RANBP10: variants seen among roughly 807,000 people sequenced by gnomAD.
RANBP10 encodes ran-binding protein 10.
RANBP10 carries 24 observed loss-of-function variants against 72.8 expected under a neutral mutation model. The ratio of observed to expected loss-of-function variants is 0.33; its 90% CI spans 0.24 to 0.46. The LOEUF (loss-of-function observed/expected upper bound fraction) is 0.46, where lower values mean the gene tolerates loss of function less well. Among genes scored for constraint, RANBP10 ranks in the 20% least tolerant of loss-of-function variants. The probability of loss-of-function intolerance (pLI) is 1.00; values close to 1 mark genes in which losing one functional copy is unlikely to be tolerated. For missense variants in RANBP10, 679 were observed against 817.5 expected, an observed-to-expected ratio of 0.83 and a Z score of 2.07; for synonymous variants, 310 against 322.3, an observed-to-expected ratio of 0.96 and a Z score of 0.41.
chr16:67,744,083 C>T lies in RANBP10; in HGVS notation c.568+205G>A, dbSNP rs1013017201. The T allele has an allele frequency of 3.0e-6, 3 of 984,750 alleles. No homozygotes were observed. In the African/African-American group the frequency reaches 5.2e-5, roughly 17 times the overall value. 61.0% of individuals were successfully genotyped at this position (984,750 alleles called of 1,614,324 possible). ...CTGTACTCTCAGCATCCTCCCTGGG[C>T]TGGATAAACGCAGCTGACTGGCTGG... On this transcript the variant is annotated intron_variant, in intron 4 of 13. Transcript: ENST00000317506.
In RANBP10 at chr16:67,730,612, G is replaced by A. The variant is rs2053709157; in HGVS notation, c.890-566C>T. ...CCTCTCACGCCATCAGCATCTTGCT[G>A]CTGCCTTTTCGCTCTTGCCGTGGGG... is the stretch of plus-strand genomic sequence containing the variant. On this transcript the variant is annotated intron_variant, in intron 7 of 13. Transcript: ENST00000317506. The surrounding 1 kb of genome is among the most constrained non-coding windows in gnomAD (Gnocchi z 4.3). Among the ~76,000 whole-genome samples the A allele has an allele frequency of 6.6e-6, 1 of 152,172 alleles. No homozygotes were observed. Among genetic ancestry groups the A allele is most frequent in the Admixed American group, 6.5e-5 (1 of 15,280 alleles).
chr16:67,754,485 A>T (rs938752813), intron 3 of RANBP10, among the ~76,000 whole-genome samples: 2 of 152,220 alleles, frequency 1.3e-5, no homozygotes, highest in Non-Finnish European at 2.9e-5. Context: ...AAGGCACCAG[A>T]AGCCCAAAGG....
chr16:67,799,974 A>G (rs1368953123), intron 2 of RANBP10, among the ~76,000 whole-genome samples: 3 of 152,054 alleles, frequency 2.0e-5, no homozygotes, highest in Non-Finnish European at 4.4e-5. Context: ...TACAAAAACT[A>G]GCTGGGCATG....
At chr16:67,760,222 T>G (rs2054369796) in intron 3 of RANBP10, among the ~76,000 whole-genome samples, 1 of 152,220 alleles carries the variant, frequency 6.6e-6, no homozygotes, top group Non-Finnish European at 1.5e-5. Flanking sequence ...CTGGATGTGC[T>G]GTACTCTTAG....
chr16:67,806,483 G>T lies in RANBP10; in HGVS notation c.54C>A (p.Ser18=), dbSNP rs958000424. The T allele has an allele frequency of 6.5e-6, 10 of 1,545,482 alleles. No individual in the cohort carries two copies. In the East Asian group the frequency reaches 2.4e-4, roughly 37 times the overall value. Residue 18 remains serine (S), a synonymous_variant, in exon 1 of 14, where the codon TCC becomes TCA. Transcript: ENST00000317506. ...PGAGNPQPGD[S]SGGGAGGGLP... is the part of the protein sequence containing the mutation. ...GCCCGCCCCCAGCGCCCCCGCCGGA[G>T]GAGTCCCCAGGCTGCGGGTTCCCAG...
At chr16:67,780,586 TA>T (rs563510159) in intron 2 of RANBP10, among the ~76,000 whole-genome samples, 2 of 151,640 alleles carry the variant, frequency 1.3e-5, no homozygotes, top group African/African-American at 4.8e-5. Flanking sequence ...CCTCTGTCTC[TA>T]AAAAAAAGAA....
At chr16:67,732,806 G>A (rs548304811) in intron 6 of RANBP10, among the ~76,000 whole-genome samples, 55 of 151,896 alleles carry the variant, frequency 3.6e-4, no homozygotes, top group Non-Finnish European at 7.5e-4. Flanking sequence ...CCAGCACTTT[G>A]GGAGGCTGAG....
At chr16:67,761,715 G>A (rs2143010116) in intron 3 of RANBP10, among the ~76,000 whole-genome samples, 1 of 152,138 alleles carries the variant, frequency 6.6e-6, no homozygotes, top group Non-Finnish European at 1.5e-5. Flanking sequence ...GACTACAGGC[G>A]CATACCACCA....
chr16:67,767,600 A>ATTT (rs558839323), intron 3 of RANBP10, among the ~76,000 whole-genome samples: 2 of 145,488 alleles, frequency 1.4e-5, no homozygotes, highest in Non-Finnish European at 3.0e-5. Context: ...TGTCTCTACA[A>ATTT]TTTTTTTTTT....
At chr16:67,742,161 C>T (rs1330944953) in intron 4 of RANBP10, among the ~76,000 whole-genome samples, 1 of 151,808 alleles carries the variant, frequency 6.6e-6, no homozygotes, top group Non-Finnish European at 1.5e-5. Context: ...CTGCCCACCT[C>T]GGCCTCCCAA....
intron 4 of RANBP10, 60 bp from the exon 5 acceptor site, chr16:67,738,095 C>A: frequency 6.7e-7 from 1 of 1,503,196 alleles, no homozygotes; most frequent in Non-Finnish European, 9.0e-7. Context: ...GCCTCTGCAC[C>A]CCATGGTGGA....
chr16:67,756,619 C>T (rs2054290161), intron 3 of RANBP10, among the ~76,000 whole-genome samples: 1 of 152,142 alleles, frequency 6.6e-6, no homozygotes, highest in Non-Finnish European at 1.5e-5. Context: ...AGGAGAATCG[C>T]TTGATGCCGG....
chr16:67,780,082 A>C (rs1286961727), intron 2 of RANBP10, among the ~76,000 whole-genome samples: 1 of 152,176 alleles, frequency 6.6e-6, no homozygotes, highest in Non-Finnish European at 1.5e-5. Context: ...AAATAAAAAA[A>C]TTAGCCGGGC....
chr16:67,749,995 A>C (rs1216227103), intron 3 of RANBP10, among the ~76,000 whole-genome samples: 1 of 152,214 alleles, frequency 6.6e-6, no homozygotes, highest in East Asian at 1.9e-4. Context: ...CCTCAGATAG[A>C]GCACAGGGAT....
chr16:67,755,469 A>C (rs1478657158), intron 3 of RANBP10, among the ~76,000 whole-genome samples: 1 of 152,080 alleles, frequency 6.6e-6, no homozygotes, highest in East Asian at 1.9e-4. Flanking sequence ...GGATCACCTG[A>C]GGTCAGGAGT....
At chr16:67,748,876 C>T (rs1485241097) in intron 3 of RANBP10, among the ~76,000 whole-genome samples, 1 of 152,152 alleles carries the variant, frequency 6.6e-6, no homozygotes, top group Non-Finnish European at 1.5e-5. Flanking sequence ...CCAGGCACCC[C>T]TCCAGGTAGC....
At chr16:67,737,126 GA>G (rs2053862962) in intron 5 of RANBP10, among the ~76,000 whole-genome samples, 1 of 122,322 alleles carries the variant, frequency 8.2e-6, no homozygotes, top group African/African-American at 3.1e-5. Context: ...TAAGCAAGCA[GA>G]AAACTCCATC....
At chr16:67,748,379 C>T (rs1479068485) in intron 3 of RANBP10, among the ~76,000 whole-genome samples, 1 of 151,200 alleles carries the variant, frequency 6.6e-6, no homozygotes, top group Non-Finnish European at 1.5e-5. Flanking sequence ...AAAAATTAGC[C>T]GGGCGTGGTG....
chr16:67,798,358 G>A (rs1260640988), intron 2 of RANBP10, among the ~76,000 whole-genome samples: 2 of 152,182 alleles, frequency 1.3e-5, no homozygotes, highest in East Asian at 3.8e-4. Flanking sequence ...TTGGTGAGGG[G>A]ATCCAGGGTG....
Sources: gnomAD v4.1 joint callset for allele counts (sites outside exome capture counted in the v4.1 genomes callset) on GRCh38, gnomAD v4.1.1 for gene constraint, Gnocchi (gnomAD v3.1) non-coding constraint, MANE v1.5 for transcripts, NCBI Gene and HGNC (gene_info 2026-07-23, HGNC 2026-07-21) for gene names.